PCDHA4: variants seen among roughly 807,000 people sequenced by gnomAD.
PCDHA4 encodes protocadherin alpha-4.
A neutral mutation model predicts 61.4 loss-of-function variants in PCDHA4; 49 were observed. That is an observed-to-expected ratio of 0.80 (90% CI 0.63 to 1.01). The LOEUF (loss-of-function observed/expected upper bound fraction) is 1.01, where lower values mean the gene tolerates loss of function less well. Ranked by LOEUF, PCDHA4 falls within the 50% of genes least tolerant of loss-of-function variation. The pLI is 0.00. For missense variants in PCDHA4, 1,254 were observed against 1,235.8 expected (o/e 1.01, Z -0.22); for synonymous variants, 590 against 550.3 (o/e 1.07, Z -1.01).
intron 1 of PCDHA4, chr5:140,827,893 C>G: frequency 1.4e-6 from 1 of 729,632 alleles, no homozygotes; most frequent in African/African-American, 1.8e-5. Context: ...GATTTCTTAC[C>G]TTTTGGAGCC....
chr5:140,850,082 G>A lies in PCDHA4; in HGVS notation c.2385+40510G>A. On this transcript the variant is annotated intron_variant, in intron 1 of 3. Coordinates refer to ENST00000530339, the MANE Select transcript of PCDHA4 (RefSeq NM_018907.4). ...AGCCGTTGGACCACGAGGAGCTGGA[G>A]CTGCTACAGTTCCAGGTGAGCGCGC... 2 of 1,596,634 alleles carry A rather than the reference G, an allele frequency of 1.3e-6. 1 individual carries two copies. Among genetic ancestry groups the A allele is most frequent in the Non-Finnish European group, 1.7e-6 (2 of 1,167,856 alleles).
chr5:140,906,258 C>T (rs1162219070), intron 1 of PCDHA4, among the ~76,000 whole-genome samples: 4 of 152,180 alleles, frequency 2.6e-5, no homozygotes, highest in African/African-American at 9.7e-5. Flanking sequence ...TACACACCTC[C>T]TGAAATTATA....
intron 1 of PCDHA4, chr5:140,856,880 T>TA: frequency 6.3e-7 from 1 of 1,594,256 alleles, no homozygotes; most frequent in Non-Finnish European, 8.6e-7. Flanking sequence ...GGAAATGATG[T>TA]ATTCATTTAG....
rs782398517 is a variant in PCDHA4, at chr5:140,857,600, G to A, written c.2385+48028G>A. The A allele has an allele frequency of 5.0e-6, 8 of 1,596,228 alleles. No homozygotes were observed. In the African/African-American group the frequency reaches 9.4e-5, roughly 19 times the overall value. ...GCACGCGGAGAGCGGCAAGGTGTAC[G>A]CGCTGCAGCCGCTGGACCACGAGGA... is the stretch of plus-strand genomic sequence containing the variant. On this transcript the variant is annotated intron_variant, in intron 1 of 3. Transcript: ENST00000530339.
At chr5:140,822,189 A>G in intron 1 of PCDHA4, 1 of 1,614,246 alleles carries the variant, frequency 6.2e-7, no homozygotes, top group Non-Finnish European at 8.5e-7. Flanking sequence ...AAGAACAAAG[A>G]TTATTCATTT....
At chr5:140,992,038 TG>T (rs2097488764) in intron 3 of PCDHA4, among the ~76,000 whole-genome samples, 1 of 151,828 alleles carries the variant, frequency 6.6e-6, no homozygotes, top group African/African-American at 2.4e-5. Context: ...TGTGTGTGTG[TG>T]TGTGTGTGTG....
intron 1 of PCDHA4, among the ~76,000 whole-genome samples, chr5:140,957,475 A>G (rs2095362490): frequency 6.6e-6 from 1 of 152,192 alleles, no homozygotes; most frequent in Non-Finnish European, 1.5e-5. Flanking sequence ...ATGTATAGGA[A>G]AAAACATAGT....
At chr5:140,896,140 C>A (rs1415728420) in intron 1 of PCDHA4, among the ~76,000 whole-genome samples, 6 of 152,140 alleles carry the variant, frequency 3.9e-5, no homozygotes, top group Non-Finnish European at 7.4e-5. Flanking sequence ...ATCCAGTGCA[C>A]CATTGATGGG....
chr5:140,807,714 A>T lies in PCDHA4; in HGVS notation c.527A>T (p.Glu176Val). 1 of 1,614,204 alleles carries T rather than the reference A, an allele frequency of 6.2e-7. No individual in the cohort carries two copies. The highest frequency in any genetic ancestry group is 8.5e-7 in the Non-Finnish European group (1 of 1,180,038). Residue 176 changes from glutamate to valine, a missense_variant, in exon 1 of 4, where the codon GAA (glutamate) becomes GTA (valine). Transcript: ENST00000530339. ...CTCACTTACAGACTGAGCCCAAATG[A>T]ATACTTTTCTCTGGAAAAACCACCT... ...ALLTYRLSPN[E>V]YFSLEKPPDD...
intron 1 of PCDHA4, among the ~76,000 whole-genome samples, chr5:140,833,623 C>A (rs2150209911): frequency 2.6e-5 from 4 of 152,064 alleles, no homozygotes; most frequent in Admixed American, 2.6e-4. Context: ...ATTCAGAATA[C>A]TTCCTCCTCA....
intron 1 of PCDHA4, among the ~76,000 whole-genome samples, chr5:140,879,793 C>T (rs1417873343): frequency 2.0e-5 from 3 of 152,192 alleles, no homozygotes; most frequent in Admixed American, 6.5e-5. Flanking sequence ...GTTTTTGTTT[C>T]TTCCAGTTTC....
chr5:140,952,121 C>A (rs993598007), intron 1 of PCDHA4, among the ~76,000 whole-genome samples: 1 of 152,102 alleles, frequency 6.6e-6, no homozygotes, highest in Non-Finnish European at 1.5e-5. Context: ...GGGATGGGCT[C>A]CCAAGGCCTT....
chr5:140,823,173 C>G lies in PCDHA4; in HGVS notation c.2385+13601C>G, dbSNP rs2150123089. On this transcript the variant is annotated intron_variant, in intron 1 of 3. Transcript: ENST00000530339. ...AGTATACCGTGTTCGTGAAGGAGAA[C>G]AACCCGCCAGGCTGCCACATCTTCA... is the stretch of plus-strand genomic sequence containing the variant. The G allele has an allele frequency of 2.5e-6, 4 of 1,613,906 alleles. No homozygotes were observed. The African/African-American group carries it at 5.3e-5, about 22-fold the overall frequency.
intron 1 of PCDHA4, among the ~76,000 whole-genome samples, chr5:140,897,014 A>G (rs545411496): frequency 1.3e-3 from 202 of 152,284 alleles, no homozygotes; most frequent in Non-Finnish European, 2.0e-3. Context: ...TAAATATACA[A>G]CTAAATTATT....
intron 1 of PCDHA4, chr5:140,812,808 T>TA (rs1581722894): frequency 6.6e-6 from 1 of 152,358 alleles, no homozygotes; most frequent in East Asian, 1.9e-4. Flanking sequence ...TGTAAGTTTT[T>TA]ATTGTGTTGT....
intron 1 of PCDHA4, chr5:140,883,882 C>T (rs200536915): frequency 6.8e-6 from 11 of 1,613,068 alleles, no homozygotes; most frequent in Middle Eastern, 1.7e-4. Flanking sequence ...TGAGCGCGCG[C>T]GACTCTGGCG....
intron 1 of PCDHA4, chr5:140,834,247 G>C: frequency 1.1e-6 from 1 of 891,604 alleles, no homozygotes; most frequent in Non-Finnish European, 1.7e-6. Flanking sequence ...TTTCGCACTG[G>C]AAAGACGCTC....
chr5:140,846,984 C>T (rs1554141604), intron 1 of PCDHA4, among the ~76,000 whole-genome samples: 2 of 149,190 alleles, frequency 1.3e-5, no homozygotes, highest in African/African-American at 4.9e-5. Context: ...TAAGTAAGTT[C>T]CCCCCGGGAG....
chr5:140,873,079 T>TC (rs544069393), intron 1 of PCDHA4, among the ~76,000 whole-genome samples: 14 of 151,958 alleles, frequency 9.2e-5, no homozygotes, highest in African/African-American at 2.4e-4. Context: ...TCTAGCTATT[T>TC]CCCCCCCGTA....
Sources: gnomAD v4.1 joint callset for allele counts (sites outside exome capture counted in the v4.1 genomes callset) on GRCh38, gnomAD v4.1.1 for gene constraint, MANE v1.5 for transcripts, NCBI Gene and HGNC (gene_info 2026-07-23, HGNC 2026-07-21) for gene names.